Variants in EMC7 observed in about 807,000 individuals in gnomAD.
The protein encoded by EMC7 is endoplasmic reticulum membrane protein complex subunit 7.
A neutral mutation model predicts 24.4 loss-of-function variants in EMC7; 4 were observed. That is an observed-to-expected ratio of 0.16 (90% CI 0.08 to 0.38). EMC7 has a LOEUF of 0.38. EMC7 is among the 10% of genes least tolerant of loss of function. The pLI is 1.00. For missense variants in EMC7, 221 were observed against 300.6 expected (o/e 0.74, Z 1.96); for synonymous variants, 106 against 112.0 (o/e 0.95, Z 0.34).
intron 4 of EMC7, chr15:34,086,093 G>C: frequency 6.0e-6 from 2 of 331,758 alleles, no homozygotes; most frequent in Non-Finnish European, 5.8e-6. Flanking sequence ...GGAACTTCCA[G>C]AAGCCACTGG....
At chr15:34,085,246 C>A (rs1900859188) in intron 4 of EMC7, among the ~76,000 whole-genome samples, 1 of 152,132 alleles carries the variant, frequency 6.6e-6, no homozygotes, top group South Asian at 2.1e-4. Context: ...AAGCAAGCAA[C>A]ACACTGTTAC....
At chr15:34,097,255 A>C (rs575855879) in intron 1 of EMC7, among the ~76,000 whole-genome samples, 74 of 151,976 alleles carry the variant, frequency 4.9e-4, no homozygotes, top group African/African-American at 1.6e-3. Context: ...GAATGGTCTC[A>C]ATCTCCTGAC....
At chr15:34,098,348 A>ACC (rs1157198613) in intron 1 of EMC7, among the ~76,000 whole-genome samples, 2 of 152,214 alleles carry the variant, frequency 1.3e-5, no homozygotes, top group Non-Finnish European at 2.9e-5. Context: ...GTTTCCCAAC[A>ACC]CCATGACTAC....
intron 1 of EMC7, among the ~76,000 whole-genome samples, chr15:34,099,024 G>T (rs1846719810): frequency 6.6e-6 from 1 of 152,012 alleles, no homozygotes; most frequent in Non-Finnish European, 1.5e-5. Flanking sequence ...AAATATTTTT[G>T]AGAAAACTGA....
intron 1 of EMC7, chr15:34,101,157 G>A (rs1331389457): frequency 1.3e-5 from 2 of 155,232 alleles, no homozygotes; most frequent in African/African-American, 2.4e-5. Context: ...GAAGCCCTTT[G>A]GGTTTTGAGA....
chr15:34,093,823 A>ATATATTTTTTTTTTTTT (rs1190830993), intron 2 of EMC7, among the ~76,000 whole-genome samples: 1 of 48,704 alleles, frequency 2.1e-5, no homozygotes, highest in African/African-American at 1.1e-4. Context: ...ATATATATAT[A>ATATATTTTTTTTTTTTT]TTTTTTTTTT....
At chr15:34,086,719 G>A (rs866626396) in intron 4 of EMC7, among the ~76,000 whole-genome samples, 4 of 152,130 alleles carry the variant, frequency 2.6e-5, no homozygotes, top group African/African-American at 7.2e-5. Flanking sequence ...CTGCGCCACC[G>A]CGCCCGGCCA....
chr15:34,088,177 C>T, intron 3 of EMC7, 44 bp from the exon 4 acceptor site: 2 of 1,535,560 alleles, frequency 1.3e-6, no homozygotes, highest in South Asian at 1.2e-5. Flanking sequence ...CCCCACTTTA[C>T]AGTTAATAGA....
intron 4 of EMC7, 105 bp from the exon 5 acceptor site, chr15:34,084,591 C>A: frequency 1.5e-6 from 2 of 1,311,396 alleles, no homozygotes; most frequent in South Asian, 1.5e-5. Flanking sequence ...GTGAAAGGTA[C>A]TGGTTCTGAG....
Position 34,084,306 on chromosome 15 carries a change from G to C in EMC7, c.*28C>G. On this transcript the variant is annotated 3_prime_UTR_variant, in exon 5 of 5. Transcript: ENST00000256545. ...GATGCCACCCAGTGTTGCCGTGTTT[G>C]TGCAAATGCCAGCTCTGGACGGCCT... 1 of 1,598,996 alleles carries C rather than the reference G, an allele frequency of 6.3e-7. No individual in the cohort carries two copies. The highest frequency in any genetic ancestry group is 1.7e-5 in the Admixed American group (1 of 59,148).
intron 4 of EMC7, among the ~76,000 whole-genome samples, chr15:34,084,831 G>A (rs2140865377): frequency 6.6e-6 from 1 of 151,394 alleles, no homozygotes; most frequent in South Asian, 2.1e-4. Context: ...GTGCCATGTT[G>A]GTGTGCTGCA....
chr15:34,089,087 AC>A (rs1900937418), intron 3 of EMC7, among the ~76,000 whole-genome samples: 1 of 152,028 alleles, frequency 6.6e-6, no homozygotes. Flanking sequence ...CGAACTCCTG[AC>A]CTTGTGATCC....
intron 2 of EMC7, among the ~76,000 whole-genome samples, chr15:34,092,444 G>C (rs921515635): frequency 2.0e-5 from 3 of 152,034 alleles, no homozygotes; most frequent in African/African-American, 4.8e-5. Context: ...TGCCTCCCGG[G>C]TTCAAGTGAT....
chr15:34,100,230 A>G (rs532650031), intron 1 of EMC7, among the ~76,000 whole-genome samples: 1 of 152,332 alleles, frequency 6.6e-6, no homozygotes, highest in East Asian at 1.9e-4. Context: ...AGTCCTATCT[A>G]CTGAGGAGGC....
intron 4 of EMC7, 69 bp from the exon 5 acceptor site, chr15:34,084,555 A>T: frequency 1.3e-6 from 2 of 1,533,112 alleles, no homozygotes; most frequent in South Asian, 2.4e-5. Context: ...ACTTCCTATT[A>T]AGGAAAAAGT....
chr15:34,085,678 C>T (rs1291791031), intron 4 of EMC7, among the ~76,000 whole-genome samples: 1 of 152,002 alleles, frequency 6.6e-6, no homozygotes, highest in Admixed American at 6.6e-5. Context: ...GGAGAAGTTG[C>T]TTTTACAAAT....
chr15:34,084,181 C>T lies in EMC7; in HGVS notation c.*153G>A, dbSNP rs1185332909. 3 of 954,528 alleles carry T rather than the reference C, an allele frequency of 3.1e-6. No homozygotes were observed. Among genetic ancestry groups the T allele is most frequent in the East Asian group, 2.7e-5 (1 of 37,034 alleles). 59.1% of individuals were successfully genotyped at this position (954,528 alleles called of 1,614,324 possible). ...GCTGGGTTTTCTCGTGTACCAAGTA[C>T]AAAACATGTGCTAAAAAGTTAACAT... On this transcript the variant is annotated 3_prime_UTR_variant, in exon 5 of 5. Coordinates refer to ENST00000256545, the MANE Select transcript of EMC7 (RefSeq NM_020154.3).
rs556715870 is a variant in EMC7, at chr15:34,086,348, G to T, written c.576+1705C>A. On this transcript the variant is annotated intron_variant, in intron 4 of 4. Transcript: ENST00000256545. ...GTAGGAGATGGTGCCACCTCTGCAG[G>T]CAGTGCCAAGGAAGAGAGCTTCTGA... The T allele has an allele frequency of 2.6e-3, 555 of 216,152 alleles. 3 individuals carry two copies. The highest frequency in any genetic ancestry group is 6.2e-4 in the Non-Finnish European group (64 of 104,034). The allele number at this position is 216,152 out of a possible 1,614,324, so 13.4% of individuals were successfully genotyped here. A position where few individuals can be genotyped will look rare whatever the true frequency, so the allele number is the denominator to read the frequency against.
chr15:34,098,416 T>C (rs1377071974), intron 1 of EMC7, among the ~76,000 whole-genome samples: 2 of 151,882 alleles, frequency 1.3e-5, no homozygotes, highest in Non-Finnish European at 2.9e-5. Flanking sequence ...GTGCATCTTC[T>C]ACTTCTTAAT....
Sources: allele counts gnomAD v4.1 joint callset (sites outside exome capture counted in the v4.1 genomes callset), GRCh38; gene constraint gnomAD v4.1.1; transcripts MANE v1.5; gene names NCBI Gene and HGNC (gene_info 2026-07-23, HGNC 2026-07-21).